Variants in REL observed in about 807,000 individuals in gnomAD.
REL encodes the protein REL proto-oncogene, NF-kB subunit.
Under a neutral mutation model 45.9 loss-of-function variants are expected in REL, and 15 were observed. The observed-to-expected ratio is 0.33, with a 90% CI of 0.22 to 0.50. REL has a LOEUF of 0.50. REL is among the 20% of genes least tolerant of loss of function. The probability of loss-of-function intolerance (pLI) is 0.98; values close to 1 mark genes in which losing one functional copy is unlikely to be tolerated. For synonymous variants in REL, 239 were observed against 242.1 expected (o/e 0.99, Z 0.12); for missense variants, 601 against 715.2 (o/e 0.84, Z 1.82).
chr2:60,906,053 C>T (rs1673639244), intron 4 of REL, among the ~76,000 whole-genome samples: 1 of 152,154 alleles, frequency 6.6e-6, no homozygotes, highest in South Asian at 2.1e-4. Context: ...AAAGGCACTT[C>T]TTAGATGGTG....
At chr2:60,897,371 G>A (rs1371531039) in intron 3 of REL, among the ~76,000 whole-genome samples, 2 of 149,844 alleles carry the variant, frequency 1.3e-5, no homozygotes, top group African/African-American at 4.9e-5. Context: ...GCGGTGGTGC[G>A]ATCTCACCTC....
intron 2 of REL, among the ~76,000 whole-genome samples, chr2:60,892,404 A>AATT (rs1460951326): frequency 1.3e-5 from 2 of 152,174 alleles, no homozygotes; most frequent in Non-Finnish European, 2.9e-5. Flanking sequence ...AAACATACTA[A>AATT]TAGTTATAAG....
rs75500953 is a variant in REL at position 60,908,416 on chromosome 2, C to A, written c.394+7333C>A. 3.3e-3 allele frequency among the ~76,000 whole-genome samples: 501 copies of A among 152,272 alleles called. 6 individuals are homozygous for A. The highest frequency in any genetic ancestry group is 0.012 in the African/African-American group (480 of 41,554). ...AAGAAACAGTCTCTAGCAAACGGGG[C>A]ATAAAGCAGTCTAATACTGTCAAAT... On this transcript the variant is annotated intron_variant, in intron 4 of 9. Transcript: ENST00000394479.
rs907748964 is a variant in REL at position 60,925,259 on chromosome 2, A to G, written c.*2724A>G. ...ATGTCTAACCAAACCATAACTTTACATAAACTAGTCGTTTCGGTCAAATAG... is the reference window on the plus strand; with the variant it reads ...ATGTCTAACCAAACCATAACTTTACGTAAACTAGTCGTTTCGGTCAAATAG... On this transcript the variant is annotated 3_prime_UTR_variant, in exon 10 of 10. Transcript: ENST00000394479. 5.1e-5 allele frequency: 10 copies of G among 195,904 alleles called. No individual in the cohort carries two copies. Among genetic ancestry groups the G allele is most frequent in the South Asian group, 1.9e-4 (1 of 5,222 alleles). The allele number at this position is 195,904 out of a possible 1,614,324, so 12.1% of individuals were successfully genotyped here.
chr2:60,895,347 A>G (rs1323678874), intron 3 of REL, among the ~76,000 whole-genome samples: 1 of 151,584 alleles, frequency 6.6e-6, no homozygotes, highest in African/African-American at 2.4e-5. Context: ...ATGCCCGGCT[A>G]ATTTTTGTAT....
chr2:60,892,862 C>T (rs1039777196), intron 2 of REL, among the ~76,000 whole-genome samples: 8 of 152,114 alleles, frequency 5.3e-5, no homozygotes, highest in Admixed American at 4.6e-4. Flanking sequence ...TCAAGCAGTT[C>T]TCCCGTCTCA....
chr2:60,891,013 T>C (rs1482673856), intron 1 of REL, among the ~76,000 whole-genome samples: 17 of 152,244 alleles, frequency 1.1e-4, no homozygotes, highest in Non-Finnish European at 2.5e-4. Context: ...TTAGTTATTA[T>C]AGAAAGTGAA....
intron 4 of REL, among the ~76,000 whole-genome samples, chr2:60,902,860 A>G (rs1297294961): frequency 6.6e-6 from 1 of 152,172 alleles, no homozygotes; most frequent in African/African-American, 2.4e-5. Context: ...AAGTGCTGGG[A>G]TTACAGGCAT....
In REL at chr2:60,908,209, G is replaced by C. The variant is rs145292325; in HGVS notation, c.394+7126G>C. Among the ~76,000 whole-genome samples, 510 of 152,268 alleles carry C rather than the reference G, an allele frequency of 3.3e-3. 6 individuals carry two copies. The highest frequency in any genetic ancestry group is 0.012 in the African/African-American group (484 of 41,554). ...TTCATGCTACTTGTGGACAGGGTCT[G>C]TGATGGAATCTTGTTTCCATTTCAC... On this transcript the variant is annotated intron_variant, in intron 4 of 9. Transcript: ENST00000394479.
Position 60,931,445 on chromosome 2 carries a change from A to T in REL, c.*8910A>T, listed in dbSNP as rs776246672. Reference sequence around the variant, plus strand: ...AGGCACTGATGAAAGTGATTTTTTTAAAGTTCTCAGGTACTGTTCAATTAT... The same window carrying T: ...AGGCACTGATGAAAGTGATTTTTTTTAAGTTCTCAGGTACTGTTCAATTAT... On this transcript the variant is annotated 3_prime_UTR_variant, in exon 10 of 10. Coordinates refer to ENST00000394479, the MANE Select transcript of REL (RefSeq NM_001291746.2). 3 of 152,312 alleles carry T rather than the reference A, an allele frequency of 2.0e-5. No homozygotes were observed. The highest frequency in any genetic ancestry group is 4.4e-5 in the Non-Finnish European group (3 of 68,022). 9.4% of individuals were successfully genotyped at this position (152,312 alleles called of 1,614,324 possible). A position where few individuals can be genotyped will look rare whatever the true frequency, so the allele number is the denominator to read the frequency against.
At chr2:60,906,911 A>T (rs893654484) in intron 4 of REL, among the ~76,000 whole-genome samples, 8,212 of 108,700 alleles carry the variant, frequency 0.076, 418 homozygotes, top group Middle Eastern at 0.12. Context: ...ATATATATAT[A>T]TATTTTTTTT....
chr2:60,891,720 C>G lies in REL; in HGVS notation c.48C>G (p.Pro16=), dbSNP rs757261181. The G allele has an allele frequency of 1.2e-6, 2 of 1,613,898 alleles. No individual in the cohort carries two copies. The highest frequency in any genetic ancestry group is 2.2e-5 in the South Asian group (2 of 91,058). ...CGTATATAGAGATAATTGAACAACC[C>G]AGGCAGAGGGGAATGCGTTTTAGAT... The part of the protein sequence containing the change: ...YNPYIEIIEQ[P]RQRGMRFRYK... Residue 16 remains proline (P), a synonymous_variant, in exon 2 of 10, where the codon CCC becomes CCG. Transcript: ENST00000394479.
At chr2:60,907,868 T>A (rs754686072) in intron 4 of REL, among the ~76,000 whole-genome samples, 2 of 151,436 alleles carry the variant, frequency 1.3e-5, no homozygotes, top group Non-Finnish European at 2.9e-5. Context: ...TTTTTTTGTA[T>A]TTTTTAGTAG....
intron 1 of REL, among the ~76,000 whole-genome samples, chr2:60,884,420 G>A (rs925140974): frequency 4.6e-5 from 7 of 152,136 alleles, no homozygotes; most frequent in African/African-American, 9.6e-5. Flanking sequence ...TTCACAGCTT[G>A]TATTAAGCTG....
At chr2:60,906,036 G>A (rs531684811) in intron 4 of REL, among the ~76,000 whole-genome samples, 11 of 152,278 alleles carry the variant, frequency 7.2e-5, no homozygotes, top group East Asian at 1.9e-4. Flanking sequence ...GAATCATGGC[G>A]GAGGTGAAAG....
At chr2:60,883,584 G>A (rs973268498) in intron 1 of REL, among the ~76,000 whole-genome samples, 1 of 152,100 alleles carries the variant, frequency 6.6e-6, no homozygotes, top group African/African-American at 2.4e-5. Flanking sequence ...AGTAAGTTCA[G>A]GCTCTTGGCG....
chr2:60,892,932 T>G (rs1673256349), intron 2 of REL, among the ~76,000 whole-genome samples: 1 of 152,014 alleles, frequency 6.6e-6, no homozygotes. Flanking sequence ...TTTTTGTATT[T>G]TTAGTAGAGA....
chr2:60,900,006 A>G (rs1673452458), intron 3 of REL: 1 of 152,228 alleles, frequency 6.6e-6, no homozygotes. Flanking sequence ...TCAAAAAGCA[A>G]ATCTCTGTGG....
At chr2:60,902,558 A>T (rs1203787281) in intron 4 of REL, among the ~76,000 whole-genome samples, 5 of 133,086 alleles carry the variant, frequency 3.8e-5, no homozygotes, top group Non-Finnish European at 8.1e-5. Context: ...AGAATATTTT[A>T]TTGTTTGGGT....
Sources: allele counts gnomAD v4.1 joint callset (sites outside exome capture counted in the v4.1 genomes callset), GRCh38; gene constraint gnomAD v4.1.1; transcripts MANE v1.5; gene names NCBI Gene and HGNC (gene_info 2026-07-23, HGNC 2026-07-21).